Variants in BATF3 observed in about 807,000 individuals in gnomAD.
BATF3 encodes the protein basic leucine zipper transcriptional factor ATF-like 3.
In BATF3, 8 loss-of-function variants were observed where a neutral mutation model predicts 16.1. The ratio of observed to expected loss-of-function variants is 0.50; its 90% CI spans 0.29 to 0.90. BATF3 has a LOEUF of 0.90. BATF3 is among the 40% of genes least tolerant of loss of function. The probability of loss-of-function intolerance (pLI) is 0.08; values close to 1 mark genes in which losing one functional copy is unlikely to be tolerated. For missense variants in BATF3, 139 were observed against 167.0 expected, an observed-to-expected ratio of 0.83 and a Z score of 0.92; for synonymous variants, 74 against 72.7, an observed-to-expected ratio of 1.02 and a Z score of -0.09.
chr1:212,699,717 C>T lies in BATF3; in HGVS notation c.46G>A (p.Val16Ile), dbSNP rs1374772145. The T allele has an allele frequency of 7.4e-7, 1 of 1,346,178 alleles. No homozygotes were observed. 83.4% of individuals were successfully genotyped at this position (1,346,178 alleles called of 1,614,324 possible). ...TGCGGCTGGTTCCCGGGCGCCGCGA[C>T]GCTCCTCTGCAGGACGCTGCCGGCG... ...PAAGSVLQRSVAAPGNQPQPQ... is the reference protein window; with the variant it reads ...PAAGSVLQRSIAAPGNQPQPQ... The change falls in exon 1 of 3, where the codon GTC becomes ATC. Residue 16 changes from valine to isoleucine, a missense_variant. Coordinates refer to ENST00000243440, the MANE Select transcript of BATF3 (RefSeq NM_018664.3). This position sits in a 1 kb window ranked among gnomAD's most constrained non-coding sequence, Gnocchi z 4.4.
intron 2 of BATF3, among the ~76,000 whole-genome samples, chr1:212,692,046 C>T (rs1333159275): frequency 6.6e-6 from 1 of 152,238 alleles, no homozygotes; most frequent in Admixed American, 6.5e-5. Context: ...AACCACTGCC[C>T]AGAAAACTCT....
chr1:212,692,780 C>T (rs941205504), intron 2 of BATF3, among the ~76,000 whole-genome samples: 3 of 152,214 alleles, frequency 2.0e-5, no homozygotes, highest in Admixed American at 6.5e-5. Flanking sequence ...AATATCCCCC[C>T]TCAGGATATG....
chr1:212,699,104 T>C lies in BATF3; in HGVS notation c.90+569A>G, dbSNP rs529180118. Reference sequence around the variant, plus strand: ...ACGGCCGTCCCTGTGGCCAACCTGGTCTCCTTCCTGACTGCGCCGCTGTAA... The same window carrying C: ...ACGGCCGTCCCTGTGGCCAACCTGGCCTCCTTCCTGACTGCGCCGCTGTAA... On this transcript the variant is annotated intron_variant, in intron 1 of 2. Coordinates refer to ENST00000243440, the MANE Select transcript of BATF3 (RefSeq NM_018664.3). This position sits in a 1 kb window ranked among gnomAD's most constrained non-coding sequence, Gnocchi z 4.4. Among the ~76,000 whole-genome samples, 16 of 152,298 alleles carry C rather than the reference T, an allele frequency of 1.1e-4. No individual in the cohort carries two copies. In the South Asian group the frequency reaches 3.1e-3, roughly 30 times the overall value.
In BATF3 at chr1:212,699,737, C is replaced by T; in HGVS notation, c.26G>A (p.Gly9Asp). 3 of 1,306,384 alleles carry T rather than the reference C, an allele frequency of 2.3e-6. No homozygotes were observed. The highest frequency in any genetic ancestry group is 2.2e-5 in the South Asian group (1 of 45,566). 80.9% of individuals were successfully genotyped at this position (1,306,384 alleles called of 1,614,324 possible). The change falls in exon 1 of 3, where the codon GGC (glycine) becomes GAC (aspartate). Residue 9 changes from glycine (G) to aspartate (D), a missense_variant. Transcript: ENST00000243440. This position sits in a 1 kb window ranked among gnomAD's most constrained non-coding sequence, Gnocchi z 4.4. MSQGLPAA[G>D]SVLQRSVAAP... The stretch of plus-strand genomic sequence containing the variant: ...CGCGACGCTCCTCTGCAGGACGCTG[C>T]CGGCGGCCGGGAGCCCTTGCGACAT...
At chr1:212,692,042 T>C (rs1234493834) in intron 2 of BATF3, among the ~76,000 whole-genome samples, 1 of 152,230 alleles carries the variant, frequency 6.6e-6, no homozygotes, top group East Asian at 1.9e-4. Flanking sequence ...CAGCAACCAC[T>C]GCCCAGAAAA....
intron 2 of BATF3, among the ~76,000 whole-genome samples, chr1:212,693,175 C>T (rs1657040590): frequency 1.3e-5 from 2 of 152,190 alleles, no homozygotes; most frequent in Admixed American, 1.3e-4. Context: ...TAGATTTAGT[C>T]ATCCAATGAT....
At chr1:212,693,781 G>C (rs1657060514) in intron 2 of BATF3, among the ~76,000 whole-genome samples, 1 of 152,200 alleles carries the variant, frequency 6.6e-6, no homozygotes, top group African/African-American at 2.4e-5. Flanking sequence ...AAGTGCGAGA[G>C]AGCCAACGCT....
chr1:212,689,923 T>C lies in BATF3; in HGVS notation c.196-2944A>G, dbSNP rs1248556246. On this transcript the variant is annotated intron_variant, in intron 2 of 2. Transcript: ENST00000243440. The surrounding 1 kb of genome is among the most constrained non-coding windows in gnomAD (Gnocchi z 4.6). ...CTCTCATACCCAGCCACAGACACTC[T>C]CACACACATACACAATCAACACACA... Among the ~76,000 whole-genome samples, 7 of 148,822 alleles carry C rather than the reference T, an allele frequency of 4.7e-5. No individual in the cohort carries two copies. Among genetic ancestry groups the C allele is most frequent in the Admixed American group, 1.3e-4 (2 of 15,012 alleles).
chr1:212,695,265 C>T (rs897215402), intron 2 of BATF3, among the ~76,000 whole-genome samples: 13 of 152,010 alleles, frequency 8.6e-5, no homozygotes, highest in East Asian at 1.9e-4. Flanking sequence ...GAGGCCGAGG[C>T]GGGTGAATCA....
At chr1:212,695,804 A>G (rs528720347) in intron 2 of BATF3, among the ~76,000 whole-genome samples, 26 of 152,292 alleles carry the variant, frequency 1.7e-4, no homozygotes, top group African/African-American at 6.0e-4. Flanking sequence ...CCACGTCCCA[A>G]CTGCAGGATT....
rs570300886 is a variant in BATF3 at position 212,694,634 on chromosome 1, T to C, written c.195+2327A>G. Among the ~76,000 whole-genome samples the C allele has an allele frequency of 1.3e-4, 20 of 152,356 alleles. No individual in the cohort carries two copies. The South Asian group carries it at 3.9e-3, about 30-fold the overall frequency. ...AATGCCTTGGCCATCCAGCAGCACA[T>C]GTGGTCTGAATACAGGGCCATGCAC... On this transcript the variant is annotated intron_variant, in intron 2 of 2. Transcript: ENST00000243440.
rs1455801134 is a variant in BATF3 at position 212,699,766 on chromosome 1, G to A, written c.-4C>T. The A allele has an allele frequency of 3.2e-6, 4 of 1,265,072 alleles. No homozygotes were observed. Among genetic ancestry groups the A allele is most frequent in the Non-Finnish European group, 3.0e-6 (3 of 1,002,802 alleles). The allele number at this position is 1,265,072 out of a possible 1,614,324, so 78.4% of individuals were successfully genotyped here. A position where few individuals can be genotyped will look rare whatever the true frequency, so the allele number is the denominator to read the frequency against. On this transcript the variant is annotated 5_prime_UTR_variant, in exon 1 of 3. Coordinates refer to ENST00000243440, the MANE Select transcript of BATF3 (RefSeq NM_018664.3). The surrounding 1 kb of genome is among the most constrained non-coding windows in gnomAD (Gnocchi z 4.4). ...CGGCCGGGAGCCCTTGCGACATGCC[G>A]GGCGCTCCTCTGGCCCGGCCCGCCC...
chr1:212,699,388 CG>C lies in BATF3; in HGVS notation c.90+284del, dbSNP rs1029522049. Among the ~76,000 whole-genome samples, 4 of 152,276 alleles carry C rather than the reference CG, an allele frequency of 2.6e-5. No individual in the cohort carries two copies. Among genetic ancestry groups the C allele is most frequent in the Non-Finnish European group, 5.9e-5 (4 of 67,982 alleles). ...CGTGCCGGGGAGCACCGGCCATGCCCGGCCCAGCCAGGCGTCGGCGCCCTCG... is the reference window on the plus strand; with the variant it reads ...CGTGCCGGGGAGCACCGGCCATGCCCGCCCAGCCAGGCGTCGGCGCCCTCG... On this transcript the variant is annotated intron_variant, in intron 1 of 2. Transcript: ENST00000243440. The surrounding 1 kb of genome is among the most constrained non-coding windows in gnomAD (Gnocchi z 4.4).
At position 212,699,559 on chromosome 1, in the gene BATF3, C is replaced by T; in HGVS notation, c.90+114G>A. ...CTCTGCTTGTCTCCGGCCGCACCCG[C>T]CACCTCTGCACCTCCGCAGTCACCA... On this transcript the variant is annotated intron_variant, in intron 1 of 2. Coordinates refer to ENST00000243440, the MANE Select transcript of BATF3 (RefSeq NM_018664.3). The surrounding 1 kb of genome is among the most constrained non-coding windows in gnomAD (Gnocchi z 4.4). 8.2e-6 allele frequency: 7 copies of T among 858,128 alleles called. No individual in the cohort carries two copies. The highest frequency in any genetic ancestry group is 1.1e-5 in the Non-Finnish European group (7 of 650,254). The allele number at this position is 858,128 out of a possible 1,614,324, so 53.2% of individuals were successfully genotyped here. A position where few individuals can be genotyped will look rare whatever the true frequency, so the allele number is the denominator to read the frequency against.
At position 212,686,931 on chromosome 1, in the gene BATF3, C is replaced by T. The variant is rs754648530; in HGVS notation, c.244G>A (p.Gly82Arg). ...TGCTTCAGCTCCTCTGTCAGCTTCCCGATCTCTCTCCGCAGCATGGTGTTT... is the reference window on the plus strand; with the variant it reads ...TGCTTCAGCTCCTCTGTCAGCTTCCTGATCTCTCTCCGCAGCATGGTGTTT... The part of the protein sequence containing the change: ...QENTMLRREI[G>R]KLTEELKHLT... The change falls in exon 3 of 3, where the codon GGG (glycine) becomes AGG (arginine). Residue 82 changes from glycine to arginine, a missense_variant. Coordinates refer to ENST00000243440, the MANE Select transcript of BATF3 (RefSeq NM_018664.3). 1.9e-5 allele frequency: 31 copies of T among 1,613,792 alleles called. No homozygotes were observed. Among genetic ancestry groups the T allele is most frequent in the Non-Finnish European group, 2.2e-5 (26 of 1,179,818 alleles).
intron 2 of BATF3, among the ~76,000 whole-genome samples, chr1:212,694,664 T>A (rs1657084290): frequency 6.6e-6 from 1 of 152,252 alleles, no homozygotes; most frequent in African/African-American, 2.4e-5. Flanking sequence ...ATGCACTAAC[T>A]GGGAGCCACA....
chr1:212,687,806 A>G (rs1656884338), intron 2 of BATF3, among the ~76,000 whole-genome samples: 1 of 150,604 alleles, frequency 6.6e-6, no homozygotes, highest in African/African-American at 2.5e-5. Flanking sequence ...GCACACCTAT[A>G]GTCTCAGGTA....
Position 212,699,712 on chromosome 1 carries a change from C to A in BATF3, c.51G>T (p.Ala17=). 3 of 1,348,872 alleles carry A rather than the reference C, an allele frequency of 2.2e-6. No homozygotes were observed. The highest frequency in any genetic ancestry group is 2.9e-6 in the Non-Finnish European group (3 of 1,044,876). 83.6% of individuals were successfully genotyped at this position (1,348,872 alleles called of 1,614,324 possible). A position where few individuals can be genotyped will look rare whatever the true frequency, so the allele number is the denominator to read the frequency against. ...GCGGCTGCGGCTGGTTCCCGGGCGCCGCGACGCTCCTCTGCAGGACGCTGC... is the reference window on the plus strand; with the variant it reads ...GCGGCTGCGGCTGGTTCCCGGGCGCAGCGACGCTCCTCTGCAGGACGCTGC... ...AAGSVLQRSV[A]APGNQPQPQP... Residue 17 remains alanine (A), a synonymous_variant, in exon 1 of 3, where the codon GCG becomes GCT. Transcript: ENST00000243440. The surrounding 1 kb of genome is among the most constrained non-coding windows in gnomAD (Gnocchi z 4.4).
intron 2 of BATF3, among the ~76,000 whole-genome samples, chr1:212,692,134 G>A (rs996429030): frequency 1.3e-5 from 2 of 152,158 alleles, no homozygotes; most frequent in Admixed American, 1.3e-4. Context: ...CTCCACAGAG[G>A]GCTCGCCTTG....
Sources: gnomAD v4.1 joint callset for allele counts (sites outside exome capture counted in the v4.1 genomes callset) on GRCh38, gnomAD v4.1.1 for gene constraint, Gnocchi (gnomAD v3.1) non-coding constraint, MANE v1.5 for transcripts, NCBI Gene and HGNC (gene_info 2026-07-23, HGNC 2026-07-21) for gene names.